Variants in PTPRD observed in about 807,000 individuals in gnomAD.
PTPRD encodes the protein protein tyrosine phosphatase receptor type D, also known as receptor-type tyrosine-protein phosphatase delta.
In PTPRD, 34 loss-of-function variants were observed where a neutral mutation model predicts 214.5. The ratio of observed to expected loss-of-function variants is 0.16; its 90% CI spans 0.12 to 0.21. The LOEUF (loss-of-function observed/expected upper bound fraction) is 0.21. Among genes scored for constraint, PTPRD ranks in the 10% least tolerant of loss-of-function variants. PTPRD has a pLI of 1.00. For synonymous variants in PTPRD, 1,128 were observed against 845.7 expected, an observed-to-expected ratio of 1.33 and a Z score of -5.79; for missense variants, 2,545 against 2,398.7, an observed-to-expected ratio of 1.06 and a Z score of -1.27.
chr9:10,160,902 A>G (rs2099123604), intron 3 of PTPRD, among the ~76,000 whole-genome samples: 1 of 151,988 alleles, frequency 6.6e-6, no homozygotes, highest in Non-Finnish European at 1.5e-5. Context: ...TCCAAAAATC[A>G]GTAGCAGTTA....
At chr9:8,920,120 T>A (rs67333855) in intron 11 of PTPRD, among the ~76,000 whole-genome samples, 42,477 of 151,934 alleles carry the variant, frequency 0.28, 7,034 homozygotes, top group Non-Finnish European at 0.36. Flanking sequence ...GTGGTCAGAT[T>A]GCCTGAGCTG....
At chr9:8,319,693 A>G in intron 45 of PTPRD, 138 bp downstream of exon 45, 1 of 1,010,118 alleles carries the variant, frequency 9.9e-7, no homozygotes. Context: ...GGGGAAAATG[A>G]GGTTCAAAAT....
chr9:10,069,324 G>A (rs1021474607), intron 3 of PTPRD, among the ~76,000 whole-genome samples: 1 of 151,922 alleles, frequency 6.6e-6, no homozygotes, highest in Non-Finnish European at 1.5e-5. Context: ...TTCCCTTTGT[G>A]ATACTCCATT....
intron 7 of PTPRD, among the ~76,000 whole-genome samples, chr9:9,583,128 C>T (rs1203242910): frequency 6.6e-6 from 1 of 151,966 alleles, no homozygotes; most frequent in Non-Finnish European, 1.5e-5. Context: ...AAATTATTCT[C>T]ACAAAATCCA....
chr9:9,408,677 G>A (rs540231449), intron 8 of PTPRD, among the ~76,000 whole-genome samples: 1 of 151,842 alleles, frequency 6.6e-6, no homozygotes, highest in Admixed American at 6.6e-5. Flanking sequence ...TGGGTTATCA[G>A]ACAGAACATT....
chr9:10,523,801 A>C (rs563727154), intron 2 of PTPRD, among the ~76,000 whole-genome samples: 1 of 151,750 alleles, frequency 6.6e-6, no homozygotes, highest in South Asian at 2.1e-4. Flanking sequence ...AGTCAAACAT[A>C]ATGCTGGTAA....
intron 9 of PTPRD, among the ~76,000 whole-genome samples, chr9:9,307,354 C>T (rs529572727): frequency 5.3e-4 from 80 of 152,136 alleles, no homozygotes; most frequent in Middle Eastern, 3.4e-3. Flanking sequence ...GTGAAGAAAC[C>T]TTCCTTTATT....
intron 9 of PTPRD, among the ~76,000 whole-genome samples, chr9:9,212,595 G>C (rs2099949493): frequency 1.3e-5 from 2 of 152,168 alleles, no homozygotes; most frequent in African/African-American, 4.8e-5. Flanking sequence ...CCAGTCAATA[G>C]AAAGCTGGGA....
At chr9:10,585,127 T>C (rs2073470382) in intron 2 of PTPRD, among the ~76,000 whole-genome samples, 1 of 152,152 alleles carries the variant, frequency 6.6e-6, no homozygotes, top group South Asian at 2.1e-4. Context: ...TAATATTAAA[T>C]ATAGTTTCCC....
intron 9 of PTPRD, among the ~76,000 whole-genome samples, chr9:9,243,287 T>C (rs1257980954): frequency 6.6e-6 from 1 of 152,186 alleles, no homozygotes; most frequent in Non-Finnish European, 1.5e-5. Flanking sequence ...CTAACTCATT[T>C]TATGAGGTCA....
intron 2 of PTPRD, among the ~76,000 whole-genome samples, chr9:10,541,695 A>T (rs908835954): frequency 1.3e-5 from 2 of 152,032 alleles, no homozygotes; most frequent in African/African-American, 2.4e-5. Context: ...ACAGGTTTTT[A>T]AAAAGGCACT....
chr9:10,322,738 A>T (rs2096574876), intron 3 of PTPRD, among the ~76,000 whole-genome samples: 1 of 152,030 alleles, frequency 6.6e-6, no homozygotes, highest in South Asian at 2.1e-4. Context: ...TGTATCTGAG[A>T]GTTCACTTAG....
chr9:8,579,164 G>C (rs1434239169), intron 14 of PTPRD, among the ~76,000 whole-genome samples: 2 of 152,136 alleles, frequency 1.3e-5, no homozygotes, highest in Admixed American at 6.5e-5. Flanking sequence ...TCAGTTGATA[G>C]AAACAACACA....
intron 11 of PTPRD, among the ~76,000 whole-genome samples, chr9:8,872,167 C>T (rs567483030): frequency 6.6e-6 from 1 of 152,326 alleles, no homozygotes; most frequent in African/African-American, 2.4e-5. Context: ...ATAATTTCCT[C>T]TCCTGGGTCT....
intron 12 of PTPRD, among the ~76,000 whole-genome samples, chr9:8,643,507 C>T (rs994862410): frequency 2.0e-4 from 30 of 152,300 alleles, no homozygotes; most frequent in African/African-American, 4.8e-4. Context: ...CCATGTGGAG[C>T]GGCCACTGCC....
chr9:9,677,222 G>T (rs1352605047), intron 7 of PTPRD, among the ~76,000 whole-genome samples: 2 of 152,072 alleles, frequency 1.3e-5, no homozygotes, highest in Non-Finnish European at 2.9e-5. Flanking sequence ...GTCCTGAATG[G>T]TATTGCCTAG....
At chr9:9,107,648 T>C (rs979183577) in intron 10 of PTPRD, among the ~76,000 whole-genome samples, 5 of 152,168 alleles carry the variant, frequency 3.3e-5, no homozygotes, top group African/African-American at 4.8e-5. Flanking sequence ...ACTGTTTATA[T>C]ATGGACTTAC....
At chr9:8,967,010 GA>G (rs2099200293) in intron 11 of PTPRD, among the ~76,000 whole-genome samples, 1 of 151,686 alleles carries the variant, frequency 6.6e-6, no homozygotes, top group Non-Finnish European at 1.5e-5. Context: ...CTTCTTAAAA[GA>G]AGACACACAG....
chr9:9,349,385 T>C (rs1319351851), intron 9 of PTPRD, among the ~76,000 whole-genome samples: 1 of 152,094 alleles, frequency 6.6e-6, no homozygotes, highest in Non-Finnish European at 1.5e-5. Flanking sequence ...CATAAACTGA[T>C]ATTTTGTCTG....
Sources: gnomAD v4.1 joint callset for allele counts (sites outside exome capture counted in the v4.1 genomes callset) on GRCh38, gnomAD v4.1.1 for gene constraint, MANE v1.5 for transcripts, NCBI Gene and HGNC (gene_info 2026-07-23, HGNC 2026-07-21) for gene names.